The following PTPRF variants were observed in gnomAD, a reference collection of about 807,000 sequenced individuals.
PTPRF encodes the protein receptor-type tyrosine-protein phosphatase F.
A neutral mutation model predicts 201.8 loss-of-function variants in PTPRF; 59 were observed. The observed-to-expected ratio is 0.29, with a 90% CI of 0.24 to 0.36. PTPRF has a LOEUF of 0.36. PTPRF is among the 10% of genes least tolerant of loss of function. The probability of loss-of-function intolerance (pLI) is 1.00; values close to 1 mark genes in which losing one functional copy is unlikely to be tolerated. For missense variants in PTPRF, 2,132 were observed against 2,690.5 expected, an observed-to-expected ratio of 0.79 and a Z score of 4.59; for synonymous variants, 1,088 against 1,089.7, an observed-to-expected ratio of 1.00 and a Z score of 0.03.
Position 43,553,504 on chromosome 1 carries a change from T to C in PTPRF, c.104T>C (p.Phe35Ser), listed in dbSNP as rs750930855. The change falls in exon 4 of 34, where the codon TTC becomes TCC. Residue 35 changes from phenylalanine (F) to serine (S), a missense_variant. Physicochemically the swap from Phe to Ser is radical, Grantham distance 155. Transcript: ENST00000359947. This position sits in a 1 kb window ranked among gnomAD's most constrained non-coding sequence, Gnocchi z 4.1. ...AGAHGDSKPV[F>S]IKVPEDQTGL... is the part of the protein sequence containing the mutation. ...CCATCTCTTCCAGGCAAACCTGTCTTCATTAAAGTCCCTGAGGACCAGACT... is the reference window on the plus strand; with the variant it reads ...CCATCTCTTCCAGGCAAACCTGTCTCCATTAAAGTCCCTGAGGACCAGACT... The C allele has an allele frequency of 6.2e-7, 1 of 1,614,028 alleles. No homozygotes were observed. Among genetic ancestry groups the C allele is most frequent in the Non-Finnish European group, 8.5e-7 (1 of 1,179,942 alleles).
chr1:43,621,900 C>G (rs372244650), intron 33 of PTPRF, 35 bp from the exon 34 acceptor site: 5 of 1,606,550 alleles, frequency 3.1e-6, no homozygotes, highest in Admixed American at 1.7e-5. Flanking sequence ...TGTCCACTGG[C>G]GCGACCCACA....
intron 7 of PTPRF, among the ~76,000 whole-genome samples, chr1:43,580,592 G>C (rs1421139084): frequency 6.6e-6 from 1 of 152,248 alleles, no homozygotes; most frequent in African/African-American, 2.4e-5. Context: ...GCCTAGAGGA[G>C]TGGAGTTGTA....
At chr1:43,615,733 A>AT (rs1314427177) in intron 23 of PTPRF, among the ~76,000 whole-genome samples, 4 of 151,200 alleles carry the variant, frequency 2.6e-5, no homozygotes, top group Admixed American at 2.0e-4. Flanking sequence ...CACCCGGCTA[A>AT]TTTTTTTTAT....
chr1:43,583,361 C>T (rs1187328725), intron 7 of PTPRF, among the ~76,000 whole-genome samples: 1 of 152,208 alleles, frequency 6.6e-6, no homozygotes, highest in Non-Finnish European at 1.5e-5. Flanking sequence ...GTGGGGTGGG[C>T]ATGCTGCATG....
chr1:43,598,344 A>G, intron 12 of PTPRF: 1 of 461,640 alleles, frequency 2.2e-6, no homozygotes, highest in South Asian at 5.1e-5. Flanking sequence ...AAGATACTCA[A>G]AGTAGAATCA....
At chr1:43,527,501 A>G (rs182818493), upstream of PTPRF, among the ~76,000 whole-genome samples, 4 of 152,340 alleles carry the variant, frequency 2.6e-5, no homozygotes, top group Admixed American at 2.0e-4. Flanking sequence ...CAGGCTGCTT[A>G]CAGGCATTCT....
At chr1:43,569,825 G>C (rs566225293) in intron 6 of PTPRF, 47 bp downstream of exon 6, 4 of 1,548,082 alleles carry the variant, frequency 2.6e-6, no homozygotes, top group African/African-American at 2.7e-5. Flanking sequence ...CTCAGAACAA[G>C]CGTCTTGTCA....
intron 1 of PTPRF, among the ~76,000 whole-genome samples, chr1:43,533,706 GTCACT>G (rs1643838165): frequency 6.6e-6 from 1 of 152,214 alleles, no homozygotes; most frequent in East Asian, 1.9e-4. Context: ...AGCAGTGGCA[GTCACT>G]TCCCTTGTGA....
At position 43,553,895 on chromosome 1, in the gene PTPRF, C is replaced by T. The variant is rs779841564; in HGVS notation, c.333C>T (p.Asn111=). 7 of 1,613,332 alleles carry T rather than the reference C, an allele frequency of 4.3e-6. No homozygotes were observed. The South Asian group carries it at 5.5e-5, about 13-fold the overall frequency. Residue 111 remains asparagine, a synonymous_variant, in exon 5 of 34, where the codon AAC becomes AAT. Transcript: ENST00000359947. The surrounding 1 kb of genome is among the most constrained non-coding windows in gnomAD (Gnocchi z 4.1). ...CCATCTATGAGTGTACAGCTACTAA[C>T]AGCCTGGGTGAGATCAACACTAGTG... ...DEAIYECTAT[N]SLGEINTSAK...
chr1:43,612,615 C>T (rs963657477), intron 22 of PTPRF, among the ~76,000 whole-genome samples: 8 of 152,088 alleles, frequency 5.3e-5, no homozygotes, highest in African/African-American at 1.9e-4. Flanking sequence ...AGCCCCAGCC[C>T]CTCACCGCCC....
chr1:43,570,800 A>G (rs1447374297), intron 6 of PTPRF, among the ~76,000 whole-genome samples: 2 of 152,256 alleles, frequency 1.3e-5, no homozygotes, highest in Non-Finnish European at 2.9e-5. Flanking sequence ...GTGTTAGCTC[A>G]TTTAATTTAA....
intron 21 of PTPRF, among the ~76,000 whole-genome samples, chr1:43,608,218 G>A (rs894305519): frequency 2.0e-4 from 31 of 152,330 alleles, no homozygotes; most frequent in African/African-American, 6.5e-4. Context: ...TCATGTGGGT[G>A]CCATATAAGG....
chr1:43,522,115 T>G (rs1402633744), upstream of PTPRF, among the ~76,000 whole-genome samples: 1 of 152,204 alleles, frequency 6.6e-6, no homozygotes, highest in East Asian at 1.9e-4. Context: ...CTTCCCCTTC[T>G]CTGTTCGGCT....
At chr1:43,544,617 C>G (rs1644544893) in intron 2 of PTPRF, among the ~76,000 whole-genome samples, 1 of 152,200 alleles carries the variant, frequency 6.6e-6, no homozygotes, top group Admixed American at 6.5e-5. Context: ...TGTCTTGTCT[C>G]TCTGTCCTCT....
At chr1:43,545,583 G>T (rs1279170555) in intron 3 of PTPRF, among the ~76,000 whole-genome samples, 2 of 152,102 alleles carry the variant, frequency 1.3e-5, no homozygotes, top group East Asian at 3.9e-4. Flanking sequence ...CCAGGACGCG[G>T]GTGTGTCCAT....
rs761445525 is a variant in PTPRF, at chr1:43,619,066, C to T, written c.4510C>T (p.Arg1504Cys). Residue 1504 changes from arginine (R) to cysteine (C), a missense_variant, in exon 27 of 34, where the codon CGC (arginine) becomes TGC (cysteine). This residue lies in a region of PTPRF where 519 missense variants were observed against 659.5 expected (regional missense o/e 0.79). Coordinates refer to ENST00000359947, the MANE Select transcript of PTPRF (RefSeq NM_002840.5). ...CCCCCAGAGTGGCTCCAGTGAGAAG[C>T]GCGAGCTGCGTCAGTTTCAGTTCAT... ...ALHKSGSSEK[R>C]ELRQFQFMAW... is the part of the protein sequence containing the mutation. 13 of 1,613,678 alleles carry T rather than the reference C, an allele frequency of 8.1e-6. No homozygotes were observed. The Admixed American group carries it at 8.3e-5, about 10-fold the overall frequency.
At chr1:43,572,838 A>G (rs1646666085) in intron 6 of PTPRF, among the ~76,000 whole-genome samples, 1 of 152,130 alleles carries the variant, frequency 6.6e-6, no homozygotes, top group Non-Finnish European at 1.5e-5. Context: ...GACTCGGCCT[A>G]GGAGCTCCCC....
chr1:43,590,545 C>G (rs1557785833), intron 8 of PTPRF, among the ~76,000 whole-genome samples: 1 of 152,224 alleles, frequency 6.6e-6, no homozygotes, highest in Admixed American at 6.5e-5. Context: ...GGAAATATCT[C>G]CCCTTCCCCT....
intron 21 of PTPRF, 65 bp downstream of exon 21, chr1:43,607,033 G>C (rs973261318): frequency 6.3e-7 from 1 of 1,582,822 alleles, no homozygotes; most frequent in Admixed American, 1.7e-5. Context: ...CCCTCTCCGG[G>C]TGTGGTGCCT....
Sources: allele counts gnomAD v4.1 joint callset (sites outside exome capture counted in the v4.1 genomes callset), GRCh38; gene constraint gnomAD v4.1.1; regional missense constraint gnomAD v4.1.1; non-coding constraint Gnocchi (gnomAD v3.1); transcripts MANE v1.5; gene names NCBI Gene and HGNC (gene_info 2026-07-23, HGNC 2026-07-21).